ABTB3: variants seen among roughly 807,000 people sequenced by gnomAD.
The protein encoded by ABTB3 is ankyrin repeat- and BTB/POZ domain-containing protein 3.
chr12:107,448,641 C>CTT, the ABTB3 span, among the ~76,000 whole-genome samples: 3 of 147,748 alleles, frequency 2.0e-5, no homozygotes, highest in African/African-American at 7.9e-5. Context: ...TTCTTTCTTT[C>CTT]TTTCTTTTTT....
chr12:107,556,799 T>A, the ABTB3 span, among the ~76,000 whole-genome samples: 1 of 151,840 alleles, frequency 6.6e-6, no homozygotes, highest in Non-Finnish European at 1.5e-5. Context: ...TCACCTGAGG[T>A]CAGGAGTTCG....
At chr12:107,376,297 C>T in the ABTB3 span, among the ~76,000 whole-genome samples, 1 of 152,194 alleles carries the variant, frequency 6.6e-6, no homozygotes, top group African/African-American at 2.4e-5. Context: ...TCTGTTTTGT[C>T]ACCACTGCGT....
the ABTB3 span, among the ~76,000 whole-genome samples, chr12:107,420,235 G>C: frequency 6.6e-6 from 1 of 152,082 alleles, no homozygotes; most frequent in Non-Finnish European, 1.5e-5. Flanking sequence ...CTTGAGAGTT[G>C]ACCACACCAT....
At chr12:107,473,793 T>C in the ABTB3 span, among the ~76,000 whole-genome samples, 6 of 151,680 alleles carry the variant, frequency 4.0e-5, no homozygotes, top group African/African-American at 1.5e-4. Context: ...TGAGGCCATT[T>C]CTTTTCTTTT....
chr12:107,524,331 T>C, the ABTB3 span, among the ~76,000 whole-genome samples: 1 of 152,174 alleles, frequency 6.6e-6, no homozygotes, highest in Admixed American at 6.5e-5. Context: ...TTGGCTTGCT[T>C]TGTGGTCTGA....
At chr12:107,560,353 C>G in the ABTB3 span, among the ~76,000 whole-genome samples, 3 of 152,110 alleles carry the variant, frequency 2.0e-5, no homozygotes, top group Non-Finnish European at 4.4e-5. Context: ...CCTCTGTTGG[C>G]CTGTAGGAGG....
chr12:107,582,729 C>T, the ABTB3 span, among the ~76,000 whole-genome samples: 7 of 152,276 alleles, frequency 4.6e-5, no homozygotes, highest in East Asian at 1.4e-3. Flanking sequence ...GGAAGAAATT[C>T]TTGTGGTCCT....
the ABTB3 span, among the ~76,000 whole-genome samples, chr12:107,402,702 T>C: frequency 1.1e-3 from 168 of 152,328 alleles, no homozygotes; most frequent in Non-Finnish European, 1.6e-3. Context: ...GCCAGGATTC[T>C]GACTGGTGGG....
At chr12:107,438,788 A>G in the ABTB3 span, among the ~76,000 whole-genome samples, 3 of 152,204 alleles carry the variant, frequency 2.0e-5, no homozygotes, top group African/African-American at 7.2e-5. Flanking sequence ...CCTTCTTAGC[A>G]ATTATGCTGA....
chr12:107,566,867 C>CT, the ABTB3 span, among the ~76,000 whole-genome samples: 1 of 152,138 alleles, frequency 6.6e-6, no homozygotes, highest in Non-Finnish European at 1.5e-5. Flanking sequence ...AATTCCAACA[C>CT]TTTGTGGGGC....
At chr12:107,523,319 T>C in the ABTB3 span, among the ~76,000 whole-genome samples, 1 of 152,170 alleles carries the variant, frequency 6.6e-6, no homozygotes, top group African/African-American at 2.4e-5. Flanking sequence ...TCCATTCCCT[T>C]CAAACCTCTG....
the ABTB3 span, among the ~76,000 whole-genome samples, chr12:107,531,504 A>C: frequency 2.0e-3 from 304 of 152,282 alleles, no homozygotes; most frequent in Admixed American, 4.0e-3. Flanking sequence ...GTCCTACTCT[A>C]GGAGCCTCTG....
At chr12:107,475,297 C>A in the ABTB3 span, among the ~76,000 whole-genome samples, 1,446 of 152,252 alleles carry the variant, frequency 9.5e-3, 38 homozygotes, top group African/African-American at 0.033. Flanking sequence ...TAGGTGCTGC[C>A]CCTGTGGAGT....
the ABTB3 span, among the ~76,000 whole-genome samples, chr12:107,359,502 C>T: frequency 6.6e-6 from 1 of 152,046 alleles, no homozygotes; most frequent in Non-Finnish European, 1.5e-5. Flanking sequence ...GAGCAGAAAC[C>T]GGATAGCAGA....
At chr12:107,555,624 T>C in the ABTB3 span, among the ~76,000 whole-genome samples, 1 of 152,236 alleles carries the variant, frequency 6.6e-6, no homozygotes, top group Non-Finnish European at 1.5e-5. Context: ...AGAGCTGCAC[T>C]GTCCAGCATG....
chr12:107,644,431 C>T, the ABTB3 span, among the ~76,000 whole-genome samples: 1 of 152,128 alleles, frequency 6.6e-6, no homozygotes, highest in Admixed American at 6.5e-5. Context: ...CACCTTCTCC[C>T]GGTATCCCAA....
the ABTB3 span, among the ~76,000 whole-genome samples, chr12:107,531,989 G>C: frequency 6.6e-6 from 1 of 152,172 alleles, no homozygotes; most frequent in Non-Finnish European, 1.5e-5. Context: ...TTGCACATCA[G>C]GGAGTCTGCC....
At chr12:107,457,146 G>A in the ABTB3 span, among the ~76,000 whole-genome samples, 1 of 152,234 alleles carries the variant, frequency 6.6e-6, no homozygotes, top group Non-Finnish European at 1.5e-5. Context: ...ACAGGCGTAA[G>A]CCACCGTGCT....
the ABTB3 span, among the ~76,000 whole-genome samples, chr12:107,542,221 A>G: frequency 6.6e-6 from 1 of 151,384 alleles, no homozygotes; most frequent in Non-Finnish European, 1.5e-5. Context: ...CTGAGGCAGG[A>G]GAATTGCTTG....
Sources: gnomAD v4.1 joint callset for allele counts (sites outside exome capture counted in the v4.1 genomes callset) on GRCh38, gnomAD v4.1.1 for gene constraint, MANE v1.5 for transcripts, NCBI Gene and HGNC (gene_info 2026-07-23, HGNC 2026-07-21) for gene names.